MBD5: variants seen among roughly 807,000 people sequenced by gnomAD.
The protein encoded by MBD5 is methyl-CpG binding domain protein 5, also known as methyl-CpG-binding domain protein 5.
A neutral mutation model predicts 117.3 loss-of-function variants in MBD5; 13 were observed. The ratio of observed to expected loss-of-function variants is 0.11; its 90% CI spans 0.07 to 0.18. The LOEUF is 0.18. Ranked by LOEUF, MBD5 falls within the 10% of genes least tolerant of loss-of-function variation. The pLI, the probability that MBD5 is intolerant of heterozygous loss-of-function variation, is 1.00. For synonymous variants in MBD5, 727 were observed against 766.4 expected, an observed-to-expected ratio of 0.95 and a Z score of 0.85; for missense variants, 1,879 against 2,093.8, an observed-to-expected ratio of 0.90 and a Z score of 2.00.
intron 4 of MBD5, among the ~76,000 whole-genome samples, chr2:148,427,871 A>G (rs1326203648): frequency 2.0e-5 from 3 of 152,192 alleles, no homozygotes; most frequent in South Asian, 2.1e-4. Context: ...ATGTATGACA[A>G]ACTCACAGCC....
At chr2:148,035,256 C>T (rs1035781920) in intron 1 of MBD5, among the ~76,000 whole-genome samples, 9 of 151,944 alleles carry the variant, frequency 5.9e-5, no homozygotes, top group South Asian at 2.1e-4. Context: ...TGCAAGTCTT[C>T]GTTGAATAAG....
At chr2:148,152,008 T>C (rs1210032256) in intron 1 of MBD5, among the ~76,000 whole-genome samples, 2 of 151,014 alleles carry the variant, frequency 1.3e-5, no homozygotes, top group African/African-American at 2.4e-5. Context: ...GCTCTTGCTT[T>C]TCTAGTTCTT....
intron 1 of MBD5, among the ~76,000 whole-genome samples, chr2:148,060,486 T>C (rs1234431): frequency 0.12 from 18,877 of 152,196 alleles, 1,261 homozygotes; most frequent in African/African-American, 0.17. Flanking sequence ...TCTGCTTGCA[T>C]GTTGCATACA....
Position 148,376,509 on chromosome 2 carries a change from C to T in MBD5, c.-557+34173C>T, listed in dbSNP as rs767511761. Among the ~76,000 whole-genome samples the T allele has an allele frequency of 6.3e-4, 95 of 150,382 alleles. 1 individual carries two copies. Among genetic ancestry groups the T allele is most frequent in the Non-Finnish European group, 1.1e-3 (75 of 67,714 alleles). ...GTCTCAATCTCCTGACCTTGTGATC[C>T]ACCCACCTCTGCCTCCCAAAGTGCT... On this transcript the variant is annotated intron_variant, in intron 4 of 13. Transcript: ENST00000642680.
chr2:148,152,963 T>G (rs1272461481), intron 1 of MBD5, among the ~76,000 whole-genome samples: 1 of 152,018 alleles, frequency 6.6e-6, no homozygotes, highest in East Asian at 1.9e-4. Flanking sequence ...TTGTTATGTG[T>G]GAATTTGATC....
intron 4 of MBD5, among the ~76,000 whole-genome samples, chr2:148,361,072 G>A (rs1489574695): frequency 6.6e-6 from 1 of 152,168 alleles, no homozygotes; most frequent in Non-Finnish European, 1.5e-5. Context: ...TTGGGGCCAG[G>A]CGTGGTGGCT....
At chr2:148,313,504 G>A (rs1702086125) in intron 3 of MBD5, among the ~76,000 whole-genome samples, 1 of 152,140 alleles carries the variant, frequency 6.6e-6, no homozygotes, top group Non-Finnish European at 1.5e-5. Context: ...CCAAGCTCGA[G>A]CCTCCCAGGT....
chr2:148,070,530 A>G (rs1277877532), intron 1 of MBD5, among the ~76,000 whole-genome samples: 1 of 152,188 alleles, frequency 6.6e-6, no homozygotes, highest in Non-Finnish European at 1.5e-5. Flanking sequence ...AGATTACTTA[A>G]TAGAGAAATT....
intron 3 of MBD5, among the ~76,000 whole-genome samples, chr2:148,256,278 C>A (rs1192941235): frequency 6.6e-6 from 1 of 152,226 alleles, no homozygotes; most frequent in African/African-American, 2.4e-5. Flanking sequence ...CCCTGCATGT[C>A]CCAATTTCCA....
intron 10 of MBD5, 52 bp from the exon 11 acceptor site, chr2:148,489,334 G>T: frequency 6.2e-7 from 1 of 1,606,812 alleles, no homozygotes; most frequent in Non-Finnish European, 8.5e-7. Context: ...TTCTCTTTGA[G>T]GCCTCAAAAT....
chr2:148,516,794 TG>T lies in MBD5; in HGVS notation c.*3854del, dbSNP rs1682351661. The T allele has an allele frequency of 6.6e-6, 1 of 152,254 alleles. No individual in the cohort carries two copies. Among genetic ancestry groups the T allele is most frequent in the Non-Finnish European group, 1.5e-5 (1 of 68,044 alleles). 9.4% of individuals were successfully genotyped at this position (152,254 alleles called of 1,614,324 possible). ...TATCTGCATTTATACACACTGTGTG[TG>T]TACCTCAGTGACCTTTTATAAACCG... On this transcript the variant is annotated 3_prime_UTR_variant, in exon 14 of 14. Coordinates refer to ENST00000642680, the MANE Select transcript of MBD5 (RefSeq NM_001378120.1).
intron 4 of MBD5, among the ~76,000 whole-genome samples, chr2:148,439,253 G>T (rs1472842426): frequency 6.6e-6 from 1 of 152,144 alleles, no homozygotes; most frequent in African/African-American, 2.4e-5. Flanking sequence ...TGGGATTTCA[G>T]CATTCAGGAT....
chr2:148,425,780 A>T (rs1242960118), intron 4 of MBD5, among the ~76,000 whole-genome samples: 1 of 152,232 alleles, frequency 6.6e-6, no homozygotes, highest in Non-Finnish European at 1.5e-5. Flanking sequence ...AATAAATGAC[A>T]AAATCCATGT....
chr2:148,258,918 T>C (rs1056119835), intron 3 of MBD5, among the ~76,000 whole-genome samples: 2 of 152,084 alleles, frequency 1.3e-5, no homozygotes, highest in East Asian at 1.9e-4. Context: ...GCCATAGCAG[T>C]GGTCACTTCA....
At chr2:148,461,014 C>T (rs1471330397) in intron 5 of MBD5, among the ~76,000 whole-genome samples, 1 of 152,160 alleles carries the variant, frequency 6.6e-6, no homozygotes, top group Non-Finnish European at 1.5e-5. Flanking sequence ...CTCACTGCAA[C>T]CTCTGCCTCT....
At chr2:148,148,058 A>G (rs951075653) in intron 1 of MBD5, among the ~76,000 whole-genome samples, 1 of 152,152 alleles carries the variant, frequency 6.6e-6, no homozygotes, top group Non-Finnish European at 1.5e-5. Context: ...AGCTCCAGCT[A>G]TTAAAGCCAT....
intron 3 of MBD5, among the ~76,000 whole-genome samples, chr2:148,329,088 C>T (rs1702560985): frequency 6.6e-6 from 1 of 152,090 alleles, no homozygotes; most frequent in South Asian, 2.1e-4. Context: ...GAGGGTGAGA[C>T]AAAAATCAGC....
chr2:148,466,737 A>C (rs140686770), intron 7 of MBD5, among the ~76,000 whole-genome samples: 1 of 152,140 alleles, frequency 6.6e-6, no homozygotes, highest in Non-Finnish European at 1.5e-5. Flanking sequence ...AACTTTTCAT[A>C]TATTATATCC....
intron 1 of MBD5, among the ~76,000 whole-genome samples, chr2:148,110,114 A>C (rs1696472164): frequency 6.6e-6 from 1 of 152,194 alleles, no homozygotes; most frequent in Non-Finnish European, 1.5e-5. Flanking sequence ...ACAATTTACT[A>C]AGTGCCTTTT....
Sources: gnomAD v4.1 joint callset for allele counts (sites outside exome capture counted in the v4.1 genomes callset) on GRCh38, gnomAD v4.1.1 for gene constraint, MANE v1.5 for transcripts, NCBI Gene and HGNC (gene_info 2026-07-23, HGNC 2026-07-21) for gene names.